Variants in TIAM2 observed in about 807,000 individuals in gnomAD.
TIAM2 encodes rho guanine nucleotide exchange factor TIAM2.
In TIAM2, 80 loss-of-function variants were observed where a neutral mutation model predicts 152.9. The observed-to-expected ratio is 0.52, with a 90% confidence interval of 0.44 to 0.63. The LOEUF is 0.63. Among genes scored for constraint, TIAM2 ranks in the 30% least tolerant of loss-of-function variants. The pLI, the probability that TIAM2 is intolerant of heterozygous loss-of-function variation, is 0.00. For missense variants in TIAM2, 1,965 were observed against 2,120.1 expected (o/e 0.93, Z 1.44); for synonymous variants, 804 against 838.0 (o/e 0.96, Z 0.70).
chr6:155,050,813 A>G (rs1309103058), intron 1 of TIAM2, among the ~76,000 whole-genome samples: 1 of 152,182 alleles, frequency 6.6e-6, no homozygotes, highest in Non-Finnish European at 1.5e-5. Context: ...GAATTAGTGT[A>G]GGCATCTATT....
In TIAM2 at chr6:155,028,339, A is replaced by ATG. The variant is rs1263625708; in HGVS notation, c.-209+32848_-209+32849insGT. Among the ~76,000 whole-genome samples the ATG allele has an allele frequency of 4.0e-5, 5 of 126,072 alleles. 1 individual carries two copies. The highest frequency in any genetic ancestry group is 1.3e-4 in the African/African-American group (4 of 30,434). 82.7% of individuals were successfully genotyped at this position (126,072 alleles called of 152,430 possible). ...GTTACATATATACTACATATAATAT[A>ATG]TACTGTGTTACATATATACTACATA... On this transcript the variant is annotated intron_variant, in intron 1 of 26. Transcript: ENST00000682666.
chr6:155,020,890 C>A (rs1776465430), intron 1 of TIAM2, among the ~76,000 whole-genome samples: 1 of 152,190 alleles, frequency 6.6e-6, no homozygotes, highest in African/African-American at 2.4e-5. Flanking sequence ...ACAATACCCC[C>A]CATTTCTTCT....
chr6:155,225,078 C>T (rs1250560343), intron 15 of TIAM2, among the ~76,000 whole-genome samples: 1 of 152,154 alleles, frequency 6.6e-6, no homozygotes, highest in Non-Finnish European at 1.5e-5. Flanking sequence ...ACCTCAGCCT[C>T]GCATGTAGCT....
intron 24 of TIAM2, chr6:155,253,323 A>G (rs1783787181): frequency 7.1e-6 from 3 of 425,054 alleles, no homozygotes; most frequent in Admixed American, 3.8e-5. Context: ...TTCTGCCTTG[A>G]TACCCTAAAA....
At chr6:155,165,229 C>T (rs767941673) in intron 8 of TIAM2, 34 bp from the exon 9 acceptor site, 1 of 1,583,742 alleles carries the variant, frequency 6.3e-7, no homozygotes, top group Admixed American at 1.9e-5. Context: ...AATACTAAGC[C>T]TTTAGATTTT....
intron 8 of TIAM2, among the ~76,000 whole-genome samples, chr6:155,164,901 C>G (rs1780380374): frequency 6.6e-6 from 1 of 152,110 alleles, no homozygotes; most frequent in Non-Finnish European, 1.5e-5. Context: ...GAAGGGGCAA[C>G]AGTGGTGTGA....
chr6:155,028,807 T>TAC (rs1491584893), intron 1 of TIAM2, among the ~76,000 whole-genome samples: 1 of 131,740 alleles, frequency 7.6e-6, no homozygotes, highest in African/African-American at 2.9e-5. Context: ...TGTTATATAC[T>TAC]ATATATAATA....
At chr6:155,079,360 A>C (rs906654498) in intron 1 of TIAM2, among the ~76,000 whole-genome samples, 1 of 151,884 alleles carries the variant, frequency 6.6e-6, no homozygotes, top group Non-Finnish European at 1.5e-5. Context: ...CCTCGCCTGG[A>C]CCCAGATGGC....
intron 3 of TIAM2, among the ~76,000 whole-genome samples, chr6:155,128,940 T>A (rs892125617): frequency 9.2e-5 from 14 of 152,270 alleles, no homozygotes; most frequent in East Asian, 7.7e-4. Flanking sequence ...CATAAGCTGA[T>A]TTTTATGCCT....
intron 10 of TIAM2, among the ~76,000 whole-genome samples, chr6:155,178,518 G>A (rs79122620): frequency 0.097 from 14,678 of 152,058 alleles, 824 homozygotes; most frequent in Middle Eastern, 0.16. Flanking sequence ...ATTGTTCAGC[G>A]AAAACCTTCT....
rs914862955 is a variant in TIAM2 at position 155,083,974 on chromosome 6, G to A, written c.-208-6315G>A. On this transcript the variant is annotated intron_variant, in intron 1 of 26. Coordinates refer to ENST00000682666, the MANE Select transcript of TIAM2 (RefSeq NM_012454.4). Reference sequence around the variant, plus strand: ...TGGAAATCCTAGTGTCACGTTGGCTGTACTATATAGGTTGAAGCAGAATCG... The same window carrying A: ...TGGAAATCCTAGTGTCACGTTGGCTATACTATATAGGTTGAAGCAGAATCG... Among the ~76,000 whole-genome samples the A allele has an allele frequency of 3.3e-5, 5 of 152,336 alleles. No individual in the cohort carries two copies. The South Asian group carries it at 1.0e-3, about 32-fold the overall frequency.
At chr6:155,199,092 A>G (rs899136901) in intron 14 of TIAM2, among the ~76,000 whole-genome samples, 1 of 152,094 alleles carries the variant, frequency 6.6e-6, no homozygotes, top group Non-Finnish European at 1.5e-5. Context: ...AATTACAAAA[A>G]AAGTTTTTAA....
intron 1 of TIAM2, among the ~76,000 whole-genome samples, chr6:155,054,953 G>A (rs1777409562): frequency 6.6e-6 from 1 of 152,106 alleles, no homozygotes; most frequent in South Asian, 2.1e-4. Context: ...CATACATATT[G>A]AGGAAATGAT....
At position 155,128,458 on chromosome 6, in the gene TIAM2, A is replaced by G. The variant is rs189448366; in HGVS notation, c.-6-760A>G. Among the ~76,000 whole-genome samples, 952 of 152,290 alleles carry G rather than the reference A, an allele frequency of 6.3e-3. 5 individuals carry two copies. Among genetic ancestry groups the G allele is most frequent in the Non-Finnish European group, 0.011 (730 of 68,030 alleles). ...TCTCAAAATACTGTGGAGAGATTTT[A>G]GCTCTACCAGTAGTTTATGTATAAT... On this transcript the variant is annotated intron_variant, in intron 3 of 26. Transcript: ENST00000682666.
intron 6 of TIAM2, among the ~76,000 whole-genome samples, chr6:155,147,299 A>G (rs1203617090): frequency 6.8e-6 from 1 of 146,734 alleles, no homozygotes; most frequent in Non-Finnish European, 1.5e-5. Flanking sequence ...GTATCCTTTT[A>G]TTTATTTATT....
At chr6:155,160,327 G>C (rs1272629021) in intron 7 of TIAM2, among the ~76,000 whole-genome samples, 2 of 152,170 alleles carry the variant, frequency 1.3e-5, no homozygotes, top group East Asian at 1.9e-4. Context: ...TTACTTGAGG[G>C]GGTGTCAGCC....
intron 2 of TIAM2, among the ~76,000 whole-genome samples, chr6:155,094,400 T>C (rs1778366541): frequency 6.6e-6 from 1 of 152,154 alleles, no homozygotes. Flanking sequence ...ACTAAAGATA[T>C]TTTCATAGTT....
intron 1 of TIAM2, among the ~76,000 whole-genome samples, chr6:155,047,698 A>AGGG (rs1225442673): frequency 7.0e-4 from 29 of 41,598 alleles, no homozygotes; most frequent in African/African-American, 8.3e-4. Context: ...GGAGAGAGAG[A>AGGG]GAGAGAGCGA....
Position 155,098,677 on chromosome 6 carries a change from T to G in TIAM2, c.-118+8298T>G, listed in dbSNP as rs1778474796. Among the ~76,000 whole-genome samples the G allele has an allele frequency of 9.8e-5, 15 of 152,350 alleles. No homozygotes were observed. The South Asian group carries it at 3.1e-3, about 32-fold the overall frequency. ...CTTCTTCCTTTCCAATTTGGATGCT[T>G]TTTATTTCTTTCTCTCGCCTAATTG... On this transcript the variant is annotated intron_variant, in intron 2 of 26. Transcript: ENST00000682666.
Sources: allele counts gnomAD v4.1 joint callset (sites outside exome capture counted in the v4.1 genomes callset), GRCh38; gene constraint gnomAD v4.1.1; transcripts MANE v1.5; gene names NCBI Gene and HGNC (gene_info 2026-07-23, HGNC 2026-07-21).